GAS7: variants seen among roughly 807,000 people sequenced by gnomAD.
GAS7 encodes the protein growth arrest-specific protein 7.
GAS7 carries 28 observed loss-of-function variants against 71.1 expected under a neutral mutation model. That is an observed-to-expected ratio of 0.39 (90% CI 0.29 to 0.54). The LOEUF is 0.54. Ranked by LOEUF, GAS7 falls within the 20% of genes least tolerant of loss-of-function variation. The probability of loss-of-function intolerance (pLI) is 0.62; values close to 1 mark genes in which losing one functional copy is unlikely to be tolerated. For missense variants in GAS7, 436 were observed against 627.8 expected, an observed-to-expected ratio of 0.69 and a Z score of 3.27; for synonymous variants, 258 against 245.8, an observed-to-expected ratio of 1.05 and a Z score of -0.46.
chr17:10,045,462 C>T (rs1024307027), intron 1 of GAS7, among the ~76,000 whole-genome samples: 7 of 151,978 alleles, frequency 4.6e-5, no homozygotes, highest in Non-Finnish European at 7.4e-5. Flanking sequence ...TTTGGGAGGC[C>T]GAGGCAGGTG....
chr17:9,967,645 A>G (rs930008460), intron 4 of GAS7, among the ~76,000 whole-genome samples: 1 of 151,962 alleles, frequency 6.6e-6, no homozygotes, highest in Non-Finnish European at 1.5e-5. Context: ...TGTTGTGAGT[A>G]CTTTCCCAAA....
rs186380095 is a variant in GAS7 at position 9,989,346 on chromosome 17, C to T, written c.305-7462G>A. Among the ~76,000 whole-genome samples the T allele has an allele frequency of 3.0e-3, 460 of 152,226 alleles. 2 individuals are homozygous for T. The highest frequency in any genetic ancestry group is 0.01 in the Middle Eastern group (3 of 294). On this transcript the variant is annotated intron_variant, in intron 2 of 13. Coordinates refer to ENST00000432992, the MANE Select transcript of GAS7 (RefSeq NM_201433.2). ...CCTCAATATGAATATTATTATTATT[C>T]ATTCAACACATATTTGAGGGCCTAT...
chr17:10,196,326 G>A (rs1368172471), intron 1 of GAS7, among the ~76,000 whole-genome samples: 1 of 152,138 alleles, frequency 6.6e-6, no homozygotes, highest in Non-Finnish European at 1.5e-5. Flanking sequence ...ATAAAATGGG[G>A]GAAGTACCTC....
At chr17:9,964,456 C>G (rs1160792272) in intron 4 of GAS7, among the ~76,000 whole-genome samples, 1 of 152,132 alleles carries the variant, frequency 6.6e-6, no homozygotes, top group Non-Finnish European at 1.5e-5. Flanking sequence ...CATTTCCCAC[C>G]CTCCCTATTC....
At chr17:9,949,488 C>T (rs975860288) in intron 5 of GAS7, among the ~76,000 whole-genome samples, 2 of 152,218 alleles carry the variant, frequency 1.3e-5, no homozygotes, top group African/African-American at 4.8e-5. Context: ...TCAGGAAGCT[C>T]CTGGGTGGCT....
Position 10,026,370 on chromosome 17 carries a change from T to C in GAS7, c.184-6473A>G. 2 of 869,700 alleles carry C rather than the reference T, an allele frequency of 2.3e-6. No homozygotes were observed. The highest frequency in any genetic ancestry group is 1.1e-4 in the South Asian group (2 of 18,992). The allele number at this position is 869,700 out of a possible 1,614,324, so 53.9% of individuals were successfully genotyped here. A position where few individuals can be genotyped will look rare whatever the true frequency, so the allele number is the denominator to read the frequency against. ...GATCTATATATAACAGCTCTGAAGT[T>C]GTCAGCCTAACGAGCCACTTTCTGG... On this transcript the variant is annotated intron_variant, in intron 1 of 13. Transcript: ENST00000432992. This position sits in a 1 kb window ranked among gnomAD's most constrained non-coding sequence, Gnocchi z 4.5.
At chr17:10,003,227 TG>T (rs2071340953) in intron 2 of GAS7, among the ~76,000 whole-genome samples, 1 of 152,080 alleles carries the variant, frequency 6.6e-6, no homozygotes, top group Non-Finnish European at 1.5e-5. Context: ...CAGAGGAGCC[TG>T]GGGGTTCCGC....
chr17:10,068,582 C>T (rs1014358537), intron 1 of GAS7, among the ~76,000 whole-genome samples: 1 of 148,884 alleles, frequency 6.7e-6, no homozygotes, highest in African/African-American at 2.5e-5. Context: ...ATAGCAAAAC[C>T]CTGTCTCTTA....
chr17:9,981,578 C>T lies in GAS7; in HGVS notation c.385+226G>A, dbSNP rs75507765. 4.9e-4 allele frequency among the ~76,000 whole-genome samples: 74 copies of T among 152,274 alleles called. No individual in the cohort carries two copies. In the East Asian group the frequency reaches 0.013, roughly 26 times the overall value. On this transcript the variant is annotated intron_variant, in intron 3 of 13. Coordinates refer to ENST00000432992, the MANE Select transcript of GAS7 (RefSeq NM_201433.2). This position sits in a 1 kb window ranked among gnomAD's most constrained non-coding sequence, Gnocchi z 4.4. ...CCCCCAGCCATCTCCTCCCACTAAG[C>T]GCCTGAGGAGGAGTGTGCAGGAGGC...
rs779432122 is a variant in GAS7 at position 10,198,367 on chromosome 17, G to A, written c.24C>T (p.Thr8=). The change falls in exon 1 of 14, where the codon ACC becomes ACT. Residue 8 remains threonine (T), a synonymous_variant. Transcript: ENST00000432992. MSGARCR[T]LYPFSGERHG... is the part of the protein sequence containing the mutation. Reference sequence around the variant, plus strand: ...GCCGCTCCCCGGAGAAGGGGTACAGGGTCCGGCAGCGAGCGCCGGACATGG... The same window carrying A: ...GCCGCTCCCCGGAGAAGGGGTACAGAGTCCGGCAGCGAGCGCCGGACATGG... The A allele has an allele frequency of 1.3e-6, 2 of 1,590,306 alleles. No homozygotes were observed. Among genetic ancestry groups the A allele is most frequent in the East Asian group, 2.3e-5 (1 of 43,966 alleles).
intron 9 of GAS7, among the ~76,000 whole-genome samples, chr17:9,932,068 A>G (rs770471320): frequency 6.6e-6 from 1 of 152,146 alleles, no homozygotes; most frequent in Non-Finnish European, 1.5e-5. Context: ...GCACGTGTTT[A>G]AAGAAGGGAG....
At chr17:9,948,265 C>T (rs2068869193) in intron 5 of GAS7, among the ~76,000 whole-genome samples, 1 of 152,200 alleles carries the variant, frequency 6.6e-6, no homozygotes, top group Admixed American at 6.5e-5. Context: ...ATAGAATATT[C>T]CTGGAAACTG....
intron 1 of GAS7, among the ~76,000 whole-genome samples, chr17:10,052,621 C>T (rs2073077985): frequency 6.6e-6 from 1 of 152,218 alleles, no homozygotes; most frequent in South Asian, 2.1e-4. Flanking sequence ...CCATGCAAAG[C>T]AAGTAAGCGG....
chr17:9,938,939 C>T (rs572849462), intron 8 of GAS7, among the ~76,000 whole-genome samples: 66 of 152,326 alleles, frequency 4.3e-4, no homozygotes, highest in African/African-American at 1.3e-3. Context: ...CACACAGTAG[C>T]ATGTATTAGT....
chr17:10,085,432 C>G (rs1340011567), intron 1 of GAS7, among the ~76,000 whole-genome samples: 1 of 152,130 alleles, frequency 6.6e-6, no homozygotes, highest in Non-Finnish European at 1.5e-5. Flanking sequence ...GCCTGTAATC[C>G]CAGCACTTTG....
Position 9,912,851 on chromosome 17 carries a change from C to G in GAS7, c.*4377G>C, listed in dbSNP as rs139029605. 6.8e-4 allele frequency: 158 copies of G among 232,698 alleles called. No individual in the cohort carries two copies. Among genetic ancestry groups the G allele is most frequent in the African/African-American group, 3.3e-3 (152 of 45,412 alleles). The allele number at this position is 232,698 out of a possible 1,614,324, so 14.4% of individuals were successfully genotyped here. ...GTAAAAATAAAGAAGCAGAGTAGTA[C>G]GCCCATGCAATGAAATACTTCCCGG... On this transcript the variant is annotated 3_prime_UTR_variant, in exon 14 of 14. Coordinates refer to ENST00000432992, the MANE Select transcript of GAS7 (RefSeq NM_201433.2).
At chr17:9,982,728 A>ACC in intron 2 of GAS7, among the ~76,000 whole-genome samples, 1 of 151,920 alleles carries the variant, frequency 6.6e-6, no homozygotes, top group Non-Finnish European at 1.5e-5. Context: ...GTGAGCCGAG[A>ACC]TTGTGCCACT....
At chr17:10,112,796 A>AGAAAG (rs1475443631) in intron 1 of GAS7, among the ~76,000 whole-genome samples, 13 of 151,960 alleles carry the variant, frequency 8.6e-5, no homozygotes, top group East Asian at 5.8e-4. Flanking sequence ...AGAAAGAAAG[A>AGAAAG]AAAGAAAAGA....
At chr17:10,195,354 G>A (rs908116449) in intron 1 of GAS7, among the ~76,000 whole-genome samples, 1 of 152,118 alleles carries the variant, frequency 6.6e-6, no homozygotes, top group South Asian at 2.1e-4. Flanking sequence ...TGCTTCATCT[G>A]AACAAGGAAG....
Sources: allele counts gnomAD v4.1 joint callset (sites outside exome capture counted in the v4.1 genomes callset), GRCh38; gene constraint gnomAD v4.1.1; non-coding constraint Gnocchi (gnomAD v3.1); transcripts MANE v1.5; gene names NCBI Gene and HGNC (gene_info 2026-07-23, HGNC 2026-07-21).